The following ANKRD26 variants were observed in gnomAD, a reference collection of about 807,000 sequenced individuals.
ANKRD26 encodes ankyrin repeat domain 26.
A neutral mutation model predicts 208.7 loss-of-function variants in ANKRD26; 141 were observed. That is an observed-to-expected ratio of 0.68 (90% CI 0.59 to 0.78). ANKRD26 has a LOEUF of 0.78. Among genes scored for constraint, ANKRD26 ranks in the 30% least tolerant of loss-of-function variants. ANKRD26 has a pLI of 0.00. For synonymous variants in ANKRD26, 636 were observed against 660.4 expected, an observed-to-expected ratio of 0.96 and a Z score of 0.57; for missense variants, 1,889 against 1,938.7, an observed-to-expected ratio of 0.97 and a Z score of 0.48.
At chr10:26,984,530 C>T (rs903791567) in intron 3 of ANKRD26, among the ~76,000 whole-genome samples, 2 of 152,164 alleles carry the variant, frequency 1.3e-5, no homozygotes, top group Non-Finnish European at 2.9e-5. Context: ...AAGACTTTCT[C>T]TTTTGTAAGA....
At chr10:27,001,593 C>T (rs1019315906), downstream of ANKRD26, among the ~76,000 whole-genome samples, 2 of 152,158 alleles carry the variant, frequency 1.3e-5, no homozygotes, top group African/African-American at 4.8e-5. Context: ...GTGCCATTTG[C>T]ATAGTGCAGA....
At chr10:26,993,063 C>T (rs2052518208) in intron 5 of ANKRD26, among the ~76,000 whole-genome samples, 1 of 152,028 alleles carries the variant, frequency 6.6e-6, no homozygotes. Context: ...CCTCTGTATG[C>T]CATATAACAC....
chr10:27,077,279 TGAG>T (rs2055732274), intron 9 of ANKRD26, 56 bp downstream of exon 9: 7 of 1,374,468 alleles, frequency 5.1e-6, no homozygotes. Context: ...TGCATCATTA[TGAG>T]GATTGTTGGG....
At chr10:26,987,484 T>C (rs903115354), downstream of ANKRD26, among the ~76,000 whole-genome samples, 5 of 152,172 alleles carry the variant, frequency 3.3e-5, no homozygotes, top group African/African-American at 1.2e-4. Flanking sequence ...TTACCTCTAA[T>C]AAGGAAACCA....
intron 32 of ANKRD26, among the ~76,000 whole-genome samples, chr10:27,012,323 G>A (rs1192255004): frequency 6.6e-6 from 1 of 151,754 alleles, no homozygotes; most frequent in Non-Finnish European, 1.5e-5. Context: ...AATTTAAAAT[G>A]TGACAGTTCA....
intron 5 of ANKRD26, among the ~76,000 whole-genome samples, chr10:26,979,984 T>G (rs1589162292): frequency 2.0e-5 from 3 of 152,304 alleles, no homozygotes; most frequent in African/African-American, 7.2e-5. Context: ...AGTTAACTAG[T>G]TCCTTAGTTC....
chr10:27,008,383 C>G (rs2052968073), intron 32 of ANKRD26, among the ~76,000 whole-genome samples: 2 of 152,130 alleles, frequency 1.3e-5, no homozygotes, highest in Admixed American at 1.3e-4. Context: ...TAGACAGGTC[C>G]TGTAAAAGTA....
At chr10:26,994,864 C>T (rs2052555161) in intron 5 of ANKRD26, among the ~76,000 whole-genome samples, 1 of 152,220 alleles carries the variant, frequency 6.6e-6, no homozygotes, top group African/African-American at 2.4e-5. Context: ...TGTTCACAAC[C>T]TTGTGAACAT....
rs2053785333 is a variant in ANKRD26, at chr10:27,029,327, T to C, written c.3837A>G (p.Glu1279=). 6.2e-7 allele frequency: 1 copy of C among 1,612,856 alleles called. No individual in the cohort carries two copies. The highest frequency in any genetic ancestry group is 1.1e-5 in the South Asian group (1 of 90,774). The change falls in exon 26 of 34, where the codon GAA becomes GAG. Residue 1279 remains glutamate (E), a synonymous_variant. Transcript: ENST00000376087. ...GCATCTTCTCAGCACATCTGACAGC[T>C]TCTGTATGTCGATCCTGTGCTTCTT... The part of the protein sequence containing the change: ...QLQEAQDRHT[E]AVRCAEKMQD...
intron 1 of ANKRD26, among the ~76,000 whole-genome samples, chr10:27,094,559 T>C (rs1055278477): frequency 2.7e-4 from 41 of 152,212 alleles, no homozygotes; most frequent in Admixed American, 2.5e-3. Context: ...GATGCTTACA[T>C]GAGAATCTAT....
At chr10:26,950,160 G>T in the ANKRD26 span, among the ~76,000 whole-genome samples, 1 of 152,166 alleles carries the variant, frequency 6.6e-6, no homozygotes, top group Non-Finnish European at 1.5e-5. Flanking sequence ...CTTGTGGGGA[G>T]GTGATTGGAT....
intron 16 of ANKRD26, among the ~76,000 whole-genome samples, chr10:27,049,441 C>A (rs746725418): frequency 1.3e-5 from 2 of 152,176 alleles, no homozygotes; most frequent in Non-Finnish European, 2.9e-5. Context: ...CTAAGATATT[C>A]TTTTCCCCAG....
chr10:27,019,499 A>C (rs1024415633), intron 29 of ANKRD26, among the ~76,000 whole-genome samples: 1 of 152,134 alleles, frequency 6.6e-6, no homozygotes, highest in African/African-American at 2.4e-5. Context: ...TGCACAAACC[A>C]GAAGATTCTA....
chr10:26,964,094 C>G, the ANKRD26 span, among the ~76,000 whole-genome samples: 1 of 151,256 alleles, frequency 6.6e-6, no homozygotes, highest in Non-Finnish European at 1.5e-5. Context: ...TATTTTAGTA[C>G]AGACAGGTTT....
rs939908393 is a variant in ANKRD26 at position 27,013,060 on chromosome 10, T to C, written c.4775A>G (p.Gln1592Arg). 3 of 1,613,950 alleles carry C rather than the reference T, an allele frequency of 1.9e-6. No homozygotes were observed. The highest frequency in any genetic ancestry group is 2.5e-6 in the Non-Finnish European group (3 of 1,179,968). Reference protein sequence around the residue: ...EVNTKLLVEKQQSRSLFTTLT... With the variant: ...EVNTKLLVEKRQSRSLFTTLT... ...AGTGGTGAACAAAGATCTGCTCTGC[T>C]GTTTTTCCACAAGAAGTTTGGTGTT... The change falls in exon 32 of 34, where the codon CAG becomes CGG. Residue 1592 changes from glutamine to arginine, a missense_variant. Around this residue, in one of 3 missense-constraint regions of ANKRD26, gnomAD observed 613 missense variants for 648.2 expected, o/e 0.95. Coordinates refer to ENST00000376087, the MANE Select transcript of ANKRD26 (RefSeq NM_014915.3).
intron 25 of ANKRD26, among the ~76,000 whole-genome samples, chr10:27,032,635 CA>C (rs68062291): frequency 0.1 from 13,781 of 135,892 alleles, 771 homozygotes; most frequent in East Asian, 0.31. Flanking sequence ...GACTCTGTCT[CA>C]AAAAAAAAAC....
chr10:27,066,958 C>T (rs1479729922), intron 10 of ANKRD26, among the ~76,000 whole-genome samples, 199 bp downstream of exon 10: 4 of 152,030 alleles, frequency 2.6e-5, no homozygotes, highest in Non-Finnish European at 4.4e-5. Context: ...AGGCACGCAC[C>T]ACCACACCCA....
At position 27,090,510 on chromosome 10, in the gene ANKRD26, AGAATTAACTAT is replaced by A. The variant is rs573718201; in HGVS notation, c.638+1885_638+1895del. On this transcript the variant is annotated intron_variant, in intron 4 of 33. Coordinates refer to ENST00000376087, the MANE Select transcript of ANKRD26 (RefSeq NM_014915.3). ...AATTTAGTATCTTGCCTGTCTGTGT[AGAATTAACTAT>A]TTACATCTACTAATAGACATAAGCA... is the stretch of plus-strand genomic sequence containing the variant. 7.7e-3 allele frequency among the ~76,000 whole-genome samples: 1,171 copies of A among 152,340 alleles called. 6 individuals carry two copies. The highest frequency in any genetic ancestry group is 0.012 in the Non-Finnish European group (845 of 68,036).
chr10:27,050,666 C>A lies in ANKRD26; in HGVS notation c.1636-1687G>T, dbSNP rs539254436. ...ATCTCTTCTCAGTCACTGCTTCTCTCCCACTGTATTGCCATGTTGTTGTTT... is the reference window on the plus strand; with the variant it reads ...ATCTCTTCTCAGTCACTGCTTCTCTACCACTGTATTGCCATGTTGTTGTTT... On this transcript the variant is annotated intron_variant, in intron 16 of 33. Transcript: ENST00000376087. Among the ~76,000 whole-genome samples, 11 of 152,256 alleles carry A rather than the reference C, an allele frequency of 7.2e-5. No homozygotes were observed. The South Asian group carries it at 2.3e-3, about 32-fold the overall frequency.
Sources: gnomAD v4.1 joint callset for allele counts (sites outside exome capture counted in the v4.1 genomes callset) on GRCh38, gnomAD v4.1.1 for gene constraint, gnomAD v4.1.1 regional missense constraint, MANE v1.5 for transcripts, NCBI Gene and HGNC (gene_info 2026-07-23, HGNC 2026-07-21) for gene names.